Variants in PLOD2 observed in about 807,000 individuals in gnomAD.
PLOD2 encodes procollagen-lysine,2-oxoglutarate 5-dioxygenase 2, also known as lysine hydroxylase 2.
Under a neutral mutation model 101.0 loss-of-function variants are expected in PLOD2, and 65 were observed. The ratio of observed to expected loss-of-function variants is 0.64; its 90% CI spans 0.53 to 0.79. The LOEUF is 0.79. PLOD2 is among the 30% of genes least tolerant of loss of function. The probability of loss-of-function intolerance (pLI) is 0.00; values close to 1 mark genes in which losing one functional copy is unlikely to be tolerated. For missense variants in PLOD2, 909 were observed against 914.6 expected (o/e 0.99, Z 0.08); for synonymous variants, 314 against 302.9 (o/e 1.04, Z -0.38).
At chr3:146,097,174 G>A (rs1224107127) in intron 7 of PLOD2, among the ~76,000 whole-genome samples, 2 of 150,728 alleles carry the variant, frequency 1.3e-5, no homozygotes, top group East Asian at 4.0e-4. Flanking sequence ...CGGGAGGGAG[G>A]TGGGGGGTCA....
intron 10 of PLOD2, chr3:146,085,547 C>G: frequency 2.0e-6 from 1 of 493,322 alleles, no homozygotes; most frequent in Non-Finnish European, 3.6e-6. Flanking sequence ...CATAAAACAT[C>G]CACAAATCAA....
At chr3:146,148,354 A>ACG (rs2031893249) in intron 1 of PLOD2, among the ~76,000 whole-genome samples, 2 of 151,854 alleles carry the variant, frequency 1.3e-5, no homozygotes, top group Non-Finnish European at 2.9e-5. Flanking sequence ...ACACACACAC[A>ACG]CACACACACA....
chr3:146,127,585 T>A (rs1311846331), intron 1 of PLOD2, among the ~76,000 whole-genome samples: 1 of 152,084 alleles, frequency 6.6e-6, no homozygotes, highest in African/African-American at 2.4e-5. Context: ...ACTGATGGAC[T>A]TTTAGGTTGG....
Position 146,086,838 on chromosome 3 carries a change from A to C in PLOD2, c.1076T>G (p.Ile359Arg), listed in dbSNP as rs1341095971. 3.9e-6 allele frequency: 6 copies of C among 1,537,454 alleles called. No individual in the cohort carries two copies. Among genetic ancestry groups the C allele is most frequent in the Middle Eastern group, 1.7e-4 (1 of 5,858 alleles). Residue 359 changes from isoleucine (I) to arginine (R), a missense_variant, in exon 10 of 20, where the codon ATA (isoleucine) becomes AGA (arginine). By Grantham distance (97) the Ile-to-Arg change is moderately conservative. Coordinates refer to ENST00000282903, the MANE Select transcript of PLOD2 (RefSeq NM_182943.3). Reference protein sequence around the residue: ...KAKHEIKTIKIVGPEENLSQA... With the variant: ...KAKHEIKTIKRVGPEENLSQA... ...ACTTAGATTTTCTTCTGGTCCTACT[A>C]TTTTTATAGTTTTGATTTCATGCTT...
intron 11 of PLOD2, among the ~76,000 whole-genome samples, chr3:146,082,890 A>C (rs909259863): frequency 6.6e-6 from 1 of 152,066 alleles, no homozygotes; most frequent in African/African-American, 2.4e-5. Flanking sequence ...GCAAGACTCC[A>C]TCTCAAAAAA....
At chr3:146,158,444 A>C (rs1375394039) in intron 1 of PLOD2, among the ~76,000 whole-genome samples, 2 of 152,218 alleles carry the variant, frequency 1.3e-5, no homozygotes, top group Non-Finnish European at 2.9e-5. Flanking sequence ...ACAAAGCACC[A>C]GAGCTAGGAA....
chr3:146,081,395 ATAACCAT>A (rs1235853565), intron 12 of PLOD2, among the ~76,000 whole-genome samples: 1 of 152,130 alleles, frequency 6.6e-6, no homozygotes. Context: ...ACCCTTAATT[ATAACCAT>A]TAAAAAGTTA....
At chr3:146,109,174 A>G (rs1308282065) in intron 4 of PLOD2, among the ~76,000 whole-genome samples, 32 of 152,372 alleles carry the variant, frequency 2.1e-4, no homozygotes. Context: ...ATGGAAGTTA[A>G]ATCCAAAGGT....
chr3:146,095,587 G>A (rs932967764), intron 7 of PLOD2, among the ~76,000 whole-genome samples: 7 of 152,092 alleles, frequency 4.6e-5, no homozygotes, highest in Non-Finnish European at 7.4e-5. Flanking sequence ...GGAGAAATAG[G>A]AACGCTTTTA....
At chr3:146,119,299 C>G (rs569035856) in intron 3 of PLOD2, among the ~76,000 whole-genome samples, 1 of 152,106 alleles carries the variant, frequency 6.6e-6, no homozygotes, top group African/African-American at 2.4e-5. Flanking sequence ...AAGCAGCTGG[C>G]CAGCATCATG....
At chr3:146,148,993 G>A (rs2031928565) in intron 1 of PLOD2, among the ~76,000 whole-genome samples, 1 of 152,174 alleles carries the variant, frequency 6.6e-6, no homozygotes, top group Non-Finnish European at 1.5e-5. Flanking sequence ...AAATCCCAAG[G>A]ATGAAACTAC....
At chr3:146,128,741 C>T (rs889973583) in intron 1 of PLOD2, among the ~76,000 whole-genome samples, 3 of 151,322 alleles carry the variant, frequency 2.0e-5, no homozygotes, top group African/African-American at 7.3e-5. Flanking sequence ...CTGTTGATAT[C>T]TGAACACAAT....
intron 10 of PLOD2, chr3:146,086,465 T>G (rs1936771070): frequency 5.7e-6 from 1 of 176,034 alleles, no homozygotes; most frequent in Non-Finnish European, 1.2e-5. Context: ...ACCTTCAGAG[T>G]GTACATTTAA....
intron 1 of PLOD2, among the ~76,000 whole-genome samples, chr3:146,138,570 A>C (rs934057193): frequency 2.0e-5 from 3 of 152,142 alleles, no homozygotes; most frequent in Non-Finnish European, 4.4e-5. Context: ...GGCTGGGTTC[A>C]GGCCTCATAC....
chr3:146,105,227 T>C (rs1476305252), intron 5 of PLOD2: 1 of 152,236 alleles, frequency 6.6e-6, no homozygotes, highest in African/African-American at 2.4e-5. Flanking sequence ...TGAGTTGCTT[T>C]ATTTATTACA....
chr3:146,101,114 A>G (rs9843118), intron 7 of PLOD2, among the ~76,000 whole-genome samples: 4,045 of 152,258 alleles, frequency 0.027, 126 homozygotes, highest in Admixed American at 0.094. Flanking sequence ...GCAAGTCTTA[A>G]TCTCTGGGTA....
intron 7 of PLOD2, among the ~76,000 whole-genome samples, chr3:146,098,800 C>T (rs78825308): frequency 0.012 from 1,816 of 152,018 alleles, 39 homozygotes; most frequent in African/African-American, 0.042. Flanking sequence ...TATAAACATC[C>T]ATTACTAAAC....
chr3:146,069,626 G>T lies in PLOD2; in HGVS notation c.*1091C>A, dbSNP rs1291489580. 2 of 152,012 alleles carry T rather than the reference G, an allele frequency of 1.3e-5. No individual in the cohort carries two copies. The highest frequency in any genetic ancestry group is 4.2e-4 in the South Asian group (2 of 4,814). The allele number at this position is 152,012 out of a possible 1,614,324, so 9.4% of individuals were successfully genotyped here. A position where few individuals can be genotyped will look rare whatever the true frequency, so the allele number is the denominator to read the frequency against. ...CAAGTCAACAAGTATTTTTGTTGGA[G>T]AATTTTTTTATAAGCGGGATAGAGG... On this transcript the variant is annotated 3_prime_UTR_variant, in exon 20 of 20. Transcript: ENST00000282903.
chr3:146,071,265 G>C lies in PLOD2; in HGVS notation c.1995+12C>G, dbSNP rs1279424841. 2.5e-6 allele frequency: 4 copies of C among 1,611,806 alleles called. No homozygotes were observed. The highest frequency in any genetic ancestry group is 2.2e-5 in the East Asian group (1 of 44,784). ...GGTAAGAAATAGGCTGGAGGGGTGAGAGGATAACTACCTTCGTATAATAGC... is the reference window on the plus strand; with the variant it reads ...GGTAAGAAATAGGCTGGAGGGGTGACAGGATAACTACCTTCGTATAATAGC... On this transcript the variant is annotated intron_variant, in intron 18 of 19. Coordinates refer to ENST00000282903, the MANE Select transcript of PLOD2 (RefSeq NM_182943.3).
Sources: allele counts gnomAD v4.1 joint callset (sites outside exome capture counted in the v4.1 genomes callset), GRCh38; gene constraint gnomAD v4.1.1; transcripts MANE v1.5; gene names NCBI Gene and HGNC (gene_info 2026-07-23, HGNC 2026-07-21).